KRT32: variants seen among roughly 807,000 people sequenced by gnomAD.
KRT32 encodes keratin, type I cuticular Ha2.
A neutral mutation model predicts 41.8 loss-of-function variants in KRT32; 44 were observed. The observed-to-expected ratio is 1.05, with a 90% CI of 0.83 to 1.35. The LOEUF (loss-of-function observed/expected upper bound fraction) is 1.35, where lower values mean the gene tolerates loss of function less well. Ranked by LOEUF, KRT32 falls within the 40% of genes most tolerant of loss-of-function variation. KRT32 has a pLI of 0.00. For synonymous variants in KRT32, 238 were observed against 242.5 expected (o/e 0.98, Z 0.17); for missense variants, 576 against 584.6 (o/e 0.99, Z 0.15).
At position 41,467,243 on chromosome 17, in the gene KRT32, C is replaced by T; in HGVS notation, c.83G>A (p.Gly28Asp). 1.2e-6 allele frequency: 2 copies of T among 1,613,772 alleles called. No individual in the cohort carries two copies. Among genetic ancestry groups the T allele is most frequent in the Non-Finnish European group, 1.7e-6 (2 of 1,180,024 alleles). ...GCACAGCTCAGGCCGGCAGTTCACG[C>T]CGCTGGAACAGACCGAGGCAGGCCG... ...CPRPASVCSS[G>D]VNCRPELCLG... is the part of the protein sequence containing the mutation. The change falls in exon 1 of 7, where the codon GGC becomes GAC. Residue 28 changes from glycine (G) to aspartate (D), a missense_variant. Coordinates refer to ENST00000225899, the MANE Select transcript of KRT32 (RefSeq NM_002278.3).
chr17:41,462,920 T>C lies in KRT32; in HGVS notation c.1127A>G (p.Asn376Ser). Residue 376 changes from asparagine to serine, a missense_variant, in exon 6 of 7, where the codon AAC (asparagine) becomes AGC (serine). Asn to Ser is a conservative substitution (Grantham distance 46). Transcript: ENST00000225899. The part of the protein sequence containing the change: ...AEIRADLERQ[N>S]QEYQVLLDVR... ...GTCCAGCAGCACCTGGTACTCCTGG[T>C]TCTGCCGCTCCAGGTCAGCCCGGAT... 17 of 1,614,086 alleles carry C rather than the reference T, an allele frequency of 1.1e-5. No individual in the cohort carries two copies. The highest frequency in any genetic ancestry group is 1.4e-5 in the Non-Finnish European group (16 of 1,179,986).
intron 3 of KRT32, among the ~76,000 whole-genome samples, chr17:41,465,414 G>A (rs900734259): frequency 2.7e-5 from 4 of 146,084 alleles, no homozygotes; most frequent in Non-Finnish European, 5.9e-5. Context: ...TGTGGCTCTC[G>A]AGAGAAAAAA....
In KRT32 at chr17:41,462,856, C is replaced by G. The variant is rs776780180; in HGVS notation, c.1191G>C (p.Arg397=). ...TGCAGTCCTCGTTCTCCAGCAGGCT[C>G]CGGTACGTGTTGATCTCGCCCTCCA... ...ARLEGEINTY[R]SLLENEDCKL... The change falls in exon 6 of 7, where the codon CGG becomes CGC. Residue 397 remains arginine (R), a synonymous_variant. Coordinates refer to ENST00000225899, the MANE Select transcript of KRT32 (RefSeq NM_002278.3). 2 of 1,613,584 alleles carry G rather than the reference C, an allele frequency of 1.2e-6. No individual in the cohort carries two copies. The highest frequency in any genetic ancestry group is 1.8e-4 in the Middle Eastern group (1 of 5,714).
intron 3 of KRT32, among the ~76,000 whole-genome samples, chr17:41,464,968 C>T (rs1405900774): frequency 6.6e-6 from 1 of 152,250 alleles, no homozygotes; most frequent in South Asian, 2.1e-4. Context: ...CGAGGGTGCT[C>T]GGTGAGTACG....
In KRT32 at chr17:41,462,940, C is replaced by A; in HGVS notation, c.1107G>T (p.Arg369=). 6.2e-7 allele frequency: 1 copy of A among 1,614,136 alleles called. No individual in the cohort carries two copies. Among genetic ancestry groups the A allele is most frequent in the Non-Finnish European group, 8.5e-7 (1 of 1,180,016 alleles). ...TNVEAQLAEI[R]ADLERQNQEY... Reference sequence around the variant, plus strand: ...CCTGGTTCTGCCGCTCCAGGTCAGCCCGGATCTCAGCCAGCTGGGCCTCAA... The same window carrying A: ...CCTGGTTCTGCCGCTCCAGGTCAGCACGGATCTCAGCCAGCTGGGCCTCAA... The change falls in exon 6 of 7, where the codon CGG becomes CGT. Residue 369 remains arginine (R), a synonymous_variant. Coordinates refer to ENST00000225899, the MANE Select transcript of KRT32 (RefSeq NM_002278.3).
chr17:41,460,365 G>A, intron 6 of KRT32, 126 bp from the exon 7 acceptor site: 1 of 1,208,072 alleles, frequency 8.3e-7, no homozygotes, highest in Non-Finnish European at 1.2e-6. Flanking sequence ...CAGCCTCCCT[G>A]GTCCCAACCT....
Position 41,466,081 on chromosome 17 carries a change from C to T in KRT32, c.551+13G>A, listed in dbSNP as rs374525801. 91 of 1,613,632 alleles carry T rather than the reference C, an allele frequency of 5.6e-5. No individual in the cohort carries two copies. Among genetic ancestry groups the T allele is most frequent in the Admixed American group, 1.3e-4 (8 of 60,008 alleles). The stretch of plus-strand genomic sequence containing the variant: ...CAGGTCCTCCCCAGCTCCAGCCCCC[C>T]GACTGAACTCACTTGGCCCTGAAGT... On this transcript the variant is annotated intron_variant, in intron 2 of 6. Transcript: ENST00000225899.
At position 41,466,177 on chromosome 17, in the gene KRT32, C is replaced by T. The variant is rs2019065969; in HGVS notation, c.469-1G>A. 1 of 1,613,568 alleles carries T rather than the reference C, an allele frequency of 6.2e-7. No individual in the cohort carries two copies. Among genetic ancestry groups the T allele is most frequent in the Non-Finnish European group, 8.5e-7 (1 of 1,179,798 alleles). Reference sequence around the variant, plus strand: ...CATTCTCTGCCTTGGTACACAGAATCTGTAGGCCAAGGCACATGGAGAGGG... The same window carrying T: ...CATTCTCTGCCTTGGTACACAGAATTTGTAGGCCAAGGCACATGGAGAGGG... On this transcript the variant is annotated splice_acceptor_variant, in intron 1 of 6. Coordinates refer to ENST00000225899, the MANE Select transcript of KRT32 (RefSeq NM_002278.3). LOFTEE classifies it high-confidence loss of function.
rs1442165765 is a variant in KRT32, at chr17:41,459,764, T to C, written c.*346A>G. The C allele has an allele frequency of 5.7e-6, 1 of 176,654 alleles. No individual in the cohort carries two copies. The highest frequency in any genetic ancestry group is 5.5e-5 in the Admixed American group (1 of 18,050). The allele number at this position is 176,654 out of a possible 1,614,324, so 10.9% of individuals were successfully genotyped here. On this transcript the variant is annotated 3_prime_UTR_variant, in exon 7 of 7. Transcript: ENST00000225899. ...TCCTCTTAAGCCCAATTGAGTAGGA[T>C]TGGCTTGTGGATGCAGCAGCGTAAG...
chr17:41,461,266 C>A (rs2018999676), intron 6 of KRT32, among the ~76,000 whole-genome samples: 2 of 152,218 alleles, frequency 1.3e-5, no homozygotes, highest in South Asian at 4.1e-4. Context: ...GCCCACCCTG[C>A]ATACCTCACA....
chr17:41,461,588 T>C (rs970140443), intron 6 of KRT32, among the ~76,000 whole-genome samples: 4 of 152,260 alleles, frequency 2.6e-5, no homozygotes, highest in Non-Finnish European at 4.4e-5. Context: ...TCCCTGGAAC[T>C]ATTGGAAGAT....
intron 6 of KRT32, 39 bp downstream of exon 6, chr17:41,462,791 C>G (rs2019015868): frequency 6.2e-7 from 1 of 1,606,610 alleles, no homozygotes; most frequent in African/African-American, 1.3e-5. Flanking sequence ...CCCAGAATCC[C>G]TGCCCACGTC....
chr17:41,459,969 T>C lies in KRT32; in HGVS notation c.*141A>G, dbSNP rs1224241345. 5.0e-6 allele frequency: 4 copies of C among 799,208 alleles called. No individual in the cohort carries two copies. The highest frequency in any genetic ancestry group is 1.8e-5 in the African/African-American group (1 of 56,190). 49.5% of individuals were successfully genotyped at this position (799,208 alleles called of 1,614,324 possible). A position where few individuals can be genotyped will look rare whatever the true frequency, so the allele number is the denominator to read the frequency against. On this transcript the variant is annotated 3_prime_UTR_variant, in exon 7 of 7. Coordinates refer to ENST00000225899, the MANE Select transcript of KRT32 (RefSeq NM_002278.3). ...ATGAGGGCTTAAGTATCCCCTGGAG[T>C]ATCAGAGCTTGTTGCAGGTGATCCA...
At position 41,467,154 on chromosome 17, in the gene KRT32, G is replaced by T. The variant is rs1186443647; in HGVS notation, c.172C>A (p.Pro58Thr). 6.2e-7 allele frequency: 1 copy of T among 1,614,080 alleles called. No individual in the cohort carries two copies. Among genetic ancestry groups the T allele is most frequent in the South Asian group, 1.1e-5 (1 of 91,088 alleles). Residue 58 changes from proline to threonine, a missense_variant, in exon 1 of 7, where the codon CCA becomes ACA. Pro to Thr is a conservative substitution (Grantham distance 38). Coordinates refer to ENST00000225899, the MANE Select transcript of KRT32 (RefSeq NM_002278.3). ...PSVCLPTTFRPASCLSKTYLS... is the reference protein window; with the variant it reads ...PSVCLPTTFRTASCLSKTYLS... ...TAGGTTTTGGAGAGGCAGCTGGCTG[G>T]CCGGAAGGTGGTGGGCAGGCAGACC... is the stretch of plus-strand genomic sequence containing the variant.
chr17:41,460,272 G>A (rs767265127), intron 6 of KRT32, 33 bp from the exon 7 acceptor site: 2 of 1,560,316 alleles, frequency 1.3e-6, no homozygotes, highest in Non-Finnish European at 8.7e-7. Context: ...AACAGGATTA[G>A]TAGAGAAGGC....
chr17:41,463,292 C>T (rs1338644379), intron 5 of KRT32, among the ~76,000 whole-genome samples: 1 of 152,234 alleles, frequency 6.6e-6, no homozygotes, highest in East Asian at 1.9e-4. Context: ...TCTTCTGCAA[C>T]CTTTGTCTGC....
chr17:41,465,013 G>A (rs1298704031), intron 3 of KRT32, among the ~76,000 whole-genome samples: 2 of 152,146 alleles, frequency 1.3e-5, no homozygotes, highest in Admixed American at 1.3e-4. Context: ...TTAAGCCTGA[G>A]GAAACCCAGC....
chr17:41,462,319 G>T (rs150215410), intron 6 of KRT32, among the ~76,000 whole-genome samples: 2 of 152,034 alleles, frequency 1.3e-5, no homozygotes, highest in Non-Finnish European at 2.9e-5. Context: ...TCCCCACCAG[G>T]GCTCAATTAC....
chr17:41,466,192 C>A lies in KRT32; in HGVS notation c.469-16G>T. The A allele has an allele frequency of 1.2e-6, 2 of 1,608,992 alleles. No individual in the cohort carries two copies. Among genetic ancestry groups the A allele is most frequent in the African/African-American group, 2.7e-5 (2 of 74,940 alleles). On this transcript the variant is annotated splice_polypyrimidine_tract_variant and intron_variant, in intron 1 of 6. Coordinates refer to ENST00000225899, the MANE Select transcript of KRT32 (RefSeq NM_002278.3). ...TACACAGAATCTGTAGGCCAAGGCACATGGAGAGGGTTAGTTCAGGATGAG... is the reference window on the plus strand; with the variant it reads ...TACACAGAATCTGTAGGCCAAGGCAAATGGAGAGGGTTAGTTCAGGATGAG...
Sources: gnomAD v4.1 joint callset for allele counts (sites outside exome capture counted in the v4.1 genomes callset) on GRCh38, gnomAD v4.1.1 for gene constraint, MANE v1.5 for transcripts, NCBI Gene and HGNC (gene_info 2026-07-23, HGNC 2026-07-21) for gene names.